The following HP1BP3 variants were observed in gnomAD, a reference collection of about 807,000 sequenced individuals.
HP1BP3 encodes heterochromatin protein 1 binding protein 3.
Under a neutral mutation model 62.5 loss-of-function variants are expected in HP1BP3, and 12 were observed. The ratio of observed to expected loss-of-function variants is 0.19; its 90% CI spans 0.12 to 0.31. The LOEUF (loss-of-function observed/expected upper bound fraction) is 0.31. HP1BP3 is among the 10% of genes least tolerant of loss of function. The pLI is 1.00. For synonymous variants in HP1BP3, 260 were observed against 237.8 expected (o/e 1.09, Z -0.86); for missense variants, 502 against 651.8 (o/e 0.77, Z 2.50).
At chr1:20,757,719 G>A (rs2056207576) in intron 8 of HP1BP3, among the ~76,000 whole-genome samples, 1 of 152,000 alleles carries the variant, frequency 6.6e-6, no homozygotes, top group African/African-American at 2.4e-5. Context: ...GACAGACCTA[G>A]AAAATTTCCA....
chr1:20,762,675 T>C (rs917195483), intron 8 of HP1BP3, among the ~76,000 whole-genome samples: 3 of 152,156 alleles, frequency 2.0e-5, no homozygotes, highest in African/African-American at 7.2e-5. Context: ...ACCTATGACC[T>C]AGAAGCCCCC....
chr1:20,785,247 T>C (rs1016021792), intron 1 of HP1BP3, among the ~76,000 whole-genome samples: 4 of 152,230 alleles, frequency 2.6e-5, no homozygotes, highest in African/African-American at 7.2e-5. Flanking sequence ...AAAAAAAGTA[T>C]TGTAGAAATA....
In HP1BP3 at chr1:20,741,665, T is replaced by C. The variant is rs1016183535; in HGVS notation, c.*3132A>G. Among the ~76,000 whole-genome samples the C allele has an allele frequency of 2.0e-5, 3 of 152,230 alleles. No individual in the cohort carries two copies. On this transcript the variant is annotated 3_prime_UTR_variant, in exon 13 of 13. Coordinates refer to ENST00000438032, the MANE Select transcript of HP1BP3 (RefSeq NM_001372052.1). ...CAATAGTATCTTTCCTTCCTCATTTTGTAGGTTAAGAAGCCAACAATCTCT... is the reference window on the plus strand; with the variant it reads ...CAATAGTATCTTTCCTTCCTCATTTCGTAGGTTAAGAAGCCAACAATCTCT...
rs999481818 is a variant in HP1BP3 at position 20,744,037 on chromosome 1, C to A, written c.*760G>T. ...TGAGCTGAGATTGCACCACTGCACT[C>A]CGGGGCACCTGAGCAAGACTCCGTC... is the stretch of plus-strand genomic sequence containing the variant. On this transcript the variant is annotated 3_prime_UTR_variant, in exon 13 of 13. Coordinates refer to ENST00000438032, the MANE Select transcript of HP1BP3 (RefSeq NM_001372052.1). 6.6e-6 allele frequency: 1 copy of A among 152,164 alleles called. No homozygotes were observed. The highest frequency in any genetic ancestry group is 2.4e-5 in the African/African-American group (1 of 41,416). 9.4% of individuals were successfully genotyped at this position (152,164 alleles called of 1,614,324 possible). A position where few individuals can be genotyped will look rare whatever the true frequency, so the allele number is the denominator to read the frequency against.
rs376095798 is a variant in HP1BP3 at position 20,783,936 on chromosome 1, T to C, written c.-101+3259A>G. On this transcript the variant is annotated intron_variant, in intron 1 of 12. Transcript: ENST00000438032. ...TCACTGTTCATTACAGAGCTAAGTA[T>C]ATGCAACGTTAATTCACACTGCCTT... Among the ~76,000 whole-genome samples, 48 of 152,328 alleles carry C rather than the reference T, an allele frequency of 3.2e-4. 3 individuals are homozygous for C. Among genetic ancestry groups the C allele is most frequent in the African/African-American group, 8.9e-4 (37 of 41,574 alleles).
At chr1:20,748,885 T>C (rs965284388) in intron 10 of HP1BP3, among the ~76,000 whole-genome samples, 5 of 152,354 alleles carry the variant, frequency 3.3e-5, no homozygotes, top group African/African-American at 7.2e-5. Flanking sequence ...TAATAGTTCA[T>C]TGAGAAGTCA....
chr1:20,752,117 G>A (rs1038843866), intron 9 of HP1BP3, among the ~76,000 whole-genome samples: 1 of 151,560 alleles, frequency 6.6e-6, no homozygotes, highest in Non-Finnish European at 1.5e-5. Context: ...AAAATTAGCC[G>A]GGCATGGTGG....
chr1:20,746,166 A>G (rs2055307052), intron 11 of HP1BP3, among the ~76,000 whole-genome samples: 1 of 149,810 alleles, frequency 6.7e-6, no homozygotes, highest in Non-Finnish European at 1.5e-5. Flanking sequence ...ATATCCTTAA[A>G]TGATAACATA....
Position 20,779,722 on chromosome 1 carries a change from A to C in HP1BP3, c.196+90T>G, listed in dbSNP as rs551950230. 8.3e-5 allele frequency: 69 copies of C among 830,858 alleles called. 1 individual carries two copies. In the East Asian group the frequency reaches 1.6e-3, roughly 20 times the overall value. 51.5% of individuals were successfully genotyped at this position (830,858 alleles called of 1,614,324 possible). A position where few individuals can be genotyped will look rare whatever the true frequency, so the allele number is the denominator to read the frequency against. ...AAACACTTAGCCATGAAAAAAAAAA[A>C]AAAACAATTAAGTTCAAAGGAATTT... On this transcript the variant is annotated intron_variant, in intron 3 of 12. Coordinates refer to ENST00000438032, the MANE Select transcript of HP1BP3 (RefSeq NM_001372052.1).
Position 20,745,619 on chromosome 1 carries a change from A to G in HP1BP3, c.1291T>C (p.Ser431Pro), listed in dbSNP as rs571112887. The G allele has an allele frequency of 6.2e-6, 10 of 1,614,000 alleles. No individual in the cohort carries two copies. In the Admixed American group the frequency reaches 1.2e-4, roughly 19 times the overall value. ...TCTTCATCTTCATCCTCATCTCTAG[A>G]ATCATCTGGCTCTTTCTTCGGAAAC... ...VLFPKKEPDD[S>P]RDEDEDEDES... The change falls in exon 12 of 13, where the codon TCT becomes CCT. Residue 431 changes from serine to proline, a missense_variant. Coordinates refer to ENST00000438032, the MANE Select transcript of HP1BP3 (RefSeq NM_001372052.1).
intron 6 of HP1BP3, 103 bp from the exon 7 acceptor site, chr1:20,767,767 ACTT>A: frequency 2.9e-6 from 2 of 681,642 alleles, no homozygotes. Flanking sequence ...AGTGGTGTTT[ACTT>A]CTTCAGAGAA....
In HP1BP3 at chr1:20,780,555, AGACCTGGTGT is replaced by A; in HGVS notation, c.-100-25_-100-16del. 1.4e-6 allele frequency: 1 copy of A among 711,248 alleles called. No homozygotes were observed. 44.1% of individuals were successfully genotyped at this position (711,248 alleles called of 1,614,324 possible). A position where few individuals can be genotyped will look rare whatever the true frequency, so the allele number is the denominator to read the frequency against. On this transcript the variant is annotated splice_polypyrimidine_tract_variant and intron_variant, in intron 1 of 12. Coordinates refer to ENST00000438032, the MANE Select transcript of HP1BP3 (RefSeq NM_001372052.1). ...GAAGAATCAACCTAAAGCACAGAAAAGACCTGGTGTGAAGATTAACAGAAACAAAACTAAA... is the reference window on the plus strand; with the variant it reads ...GAAGAATCAACCTAAAGCACAGAAAAGAAGATTAACAGAAACAAAACTAAA...
chr1:20,766,812 T>C (rs1331255120), intron 7 of HP1BP3, among the ~76,000 whole-genome samples: 1 of 151,948 alleles, frequency 6.6e-6, no homozygotes, highest in Non-Finnish European at 1.5e-5. Flanking sequence ...CGGTGGCACA[T>C]GCCTGTAGCA....
chr1:20,771,919 G>A (rs940253858), intron 5 of HP1BP3, among the ~76,000 whole-genome samples: 13 of 152,146 alleles, frequency 8.5e-5, no homozygotes, highest in Non-Finnish European at 1.5e-4. Context: ...TTCGTTGAAT[G>A]TTTTTATACA....
At chr1:20,764,511 GT>G (rs908590315) in intron 8 of HP1BP3, among the ~76,000 whole-genome samples, 26 of 145,772 alleles carry the variant, frequency 1.8e-4, no homozygotes, top group Admixed American at 4.1e-4. Flanking sequence ...AGCCAGCCTA[GT>G]TTTTTTTTTG....
At chr1:20,753,104 G>C (rs1224194859) in intron 9 of HP1BP3, among the ~76,000 whole-genome samples, 1 of 152,132 alleles carries the variant, frequency 6.6e-6, no homozygotes, top group Non-Finnish European at 1.5e-5. Flanking sequence ...ACCATGCCCG[G>C]CTAATTTCTT....
chr1:20,768,794 C>CA (rs1224466673), intron 6 of HP1BP3, among the ~76,000 whole-genome samples: 3 of 152,048 alleles, frequency 2.0e-5, no homozygotes, highest in Non-Finnish European at 2.9e-5. Flanking sequence ...GAGCTGAGAC[C>CA]ATGCCATTGT....
chr1:20,744,767 T>G lies in HP1BP3; in HGVS notation c.*30A>C, dbSNP rs1286544930. On this transcript the variant is annotated 3_prime_UTR_variant, in exon 13 of 13. Coordinates refer to ENST00000438032, the MANE Select transcript of HP1BP3 (RefSeq NM_001372052.1). The stretch of plus-strand genomic sequence containing the variant: ...ACCTTAGAAAATAAGATTTTGAATT[T>G]CATCATGATACCCTTTTTTCCTATA... 1.3e-6 allele frequency: 2 copies of G among 1,553,572 alleles called. No homozygotes were observed. The highest frequency in any genetic ancestry group is 8.7e-7 in the Non-Finnish European group (1 of 1,150,026).
At chr1:20,749,641 G>A (rs1173706302) in intron 10 of HP1BP3, 82 bp downstream of exon 10, 6 of 1,356,964 alleles carry the variant, frequency 4.4e-6, no homozygotes, top group South Asian at 1.4e-5. Flanking sequence ...TTACAGGCGT[G>A]AGCCACAGTG....
Sources: gnomAD v4.1 joint callset for allele counts (sites outside exome capture counted in the v4.1 genomes callset) on GRCh38, gnomAD v4.1.1 for gene constraint, MANE v1.5 for transcripts, NCBI Gene and HGNC (gene_info 2026-07-23, HGNC 2026-07-21) for gene names.